PLGRKT: variants seen among roughly 807,000 people sequenced by gnomAD.
PLGRKT encodes plasminogen receptor with a C-terminal lysine.
PLGRKT carries 22 observed loss-of-function variants against 18.5 expected under a neutral mutation model. That is an observed-to-expected ratio of 1.19 (90% confidence interval 0.85 to 1.70). PLGRKT has a LOEUF of 1.70. Ranked by LOEUF, PLGRKT falls within the 40% of genes most tolerant of loss-of-function variation. The pLI is 0.00. For missense variants in PLGRKT, 235 were observed against 174.4 expected (o/e 1.35, Z -1.96); for synonymous variants, 72 against 52.8 (o/e 1.36, Z -1.58).
chr9:5,382,313 A>G lies in PLGRKT; in HGVS notation c.82-20425T>C, dbSNP rs891971412. On this transcript the variant is annotated intron_variant, in intron 3 of 5. Transcript: ENST00000223864. ...AGTTATGACAGGCACAATTCAGGGCATTATGAAAGTGCATGGCAGGGCTGC... is the reference window on the plus strand; with the variant it reads ...AGTTATGACAGGCACAATTCAGGGCGTTATGAAAGTGCATGGCAGGGCTGC... Among the ~76,000 whole-genome samples, 4 of 152,332 alleles carry G rather than the reference A, an allele frequency of 2.6e-5. No homozygotes were observed. In the East Asian group the frequency reaches 5.8e-4, roughly 22 times the overall value.
Position 5,418,491 on chromosome 9 carries a change from G to A in PLGRKT, c.81+13406C>T, listed in dbSNP as rs1245688297. On this transcript the variant is annotated intron_variant, in intron 3 of 5. Transcript: ENST00000223864. The surrounding 1 kb of genome is among the most constrained non-coding windows in gnomAD (Gnocchi z 4.2). ...CAGTGCACACCCTCAACCACATGGA[G>A]CTTTTCACCATGCCCCGCCTGTCCT... 2 of 1,111,896 alleles carry A rather than the reference G, an allele frequency of 1.8e-6. No individual in the cohort carries two copies. The highest frequency in any genetic ancestry group is 2.0e-4 in the Middle Eastern group (1 of 5,000). 68.9% of individuals were successfully genotyped at this position (1,111,896 alleles called of 1,614,324 possible). A position where few individuals can be genotyped will look rare whatever the true frequency, so the allele number is the denominator to read the frequency against.
At chr9:5,432,523 G>A (rs756287613) in intron 2 of PLGRKT, among the ~76,000 whole-genome samples, 5 of 126,286 alleles carry the variant, frequency 4.0e-5, no homozygotes, top group African/African-American at 9.1e-5. Context: ...CTCTTTCTAC[G>A]GTCTCCCTCT....
At chr9:5,396,242 G>C (rs1405711654) in intron 3 of PLGRKT, among the ~76,000 whole-genome samples, 1 of 151,752 alleles carries the variant, frequency 6.6e-6, no homozygotes, top group East Asian at 1.9e-4. Flanking sequence ...ACTCTCTCAA[G>C]TGGATTTTGG....
chr9:5,430,023 A>G (rs60171695), intron 3 of PLGRKT, among the ~76,000 whole-genome samples: 2,497 of 152,242 alleles, frequency 0.016, 64 homozygotes, highest in African/African-American at 0.055. Context: ...CCTAAGCTCA[A>G]CGCTGCTCAA....
At chr9:5,385,754 C>T (rs1047083753) in intron 3 of PLGRKT, among the ~76,000 whole-genome samples, 2 of 151,762 alleles carry the variant, frequency 1.3e-5, no homozygotes, top group Non-Finnish European at 2.9e-5. Flanking sequence ...AGGCAATTCT[C>T]CACGGATCTC....
At chr9:5,364,355 G>C (rs1038655740) in intron 3 of PLGRKT, among the ~76,000 whole-genome samples, 9 of 152,160 alleles carry the variant, frequency 5.9e-5, no homozygotes, top group African/African-American at 9.7e-5. Context: ...AGATTACCTG[G>C]GAACTCTCAA....
intron 4 of PLGRKT, 148 bp from the exon 5 acceptor site, chr9:5,361,335 T>C (rs1817260487): frequency 1.2e-5 from 7 of 589,314 alleles, no homozygotes; most frequent in East Asian, 5.8e-5. Flanking sequence ...TCTATGGAAA[T>C]AGGATTTCCT....
chr9:5,434,490 C>A (rs1250482281), intron 2 of PLGRKT, among the ~76,000 whole-genome samples: 1 of 148,496 alleles, frequency 6.7e-6, no homozygotes, highest in Non-Finnish European at 1.5e-5. Context: ...CCGGCTGCCC[C>A]GCCTGGGAAG....
At chr9:5,375,062 T>C (rs1001079790) in intron 3 of PLGRKT, among the ~76,000 whole-genome samples, 7 of 152,110 alleles carry the variant, frequency 4.6e-5, no homozygotes, top group Non-Finnish European at 8.8e-5. Context: ...CCAAACTGAA[T>C]AGCCACAGAT....
At chr9:5,404,333 C>G (rs1481763996) in intron 3 of PLGRKT, among the ~76,000 whole-genome samples, 8 of 152,102 alleles carry the variant, frequency 5.3e-5, no homozygotes, top group Non-Finnish European at 8.8e-5. Flanking sequence ...AAAAAGAAAA[C>G]TTCAGGCCAA....
chr9:5,418,373 C>A lies in PLGRKT; in HGVS notation c.81+13524G>T. 1 of 751,220 alleles carries A rather than the reference C, an allele frequency of 1.3e-6. No individual in the cohort carries two copies. Among genetic ancestry groups the A allele is most frequent in the East Asian group, 2.8e-5 (1 of 35,372 alleles). 46.5% of individuals were successfully genotyped at this position (751,220 alleles called of 1,614,324 possible). A position where few individuals can be genotyped will look rare whatever the true frequency, so the allele number is the denominator to read the frequency against. On this transcript the variant is annotated intron_variant, in intron 3 of 5. Coordinates refer to ENST00000223864, the MANE Select transcript of PLGRKT (RefSeq NM_018465.4). The surrounding 1 kb of genome is among the most constrained non-coding windows in gnomAD (Gnocchi z 4.2). ...AGACTTCCCTGCAGCCCTCTCCAGC[C>A]ACAAGATGTCACAGTCAAGCGCTTA...
intron 3 of PLGRKT, among the ~76,000 whole-genome samples, chr9:5,399,208 G>A (rs1818108078): frequency 1.3e-5 from 2 of 151,776 alleles, no homozygotes; most frequent in African/African-American, 4.9e-5. Flanking sequence ...GGACTCCTGT[G>A]CATATGTGAG....
chr9:5,431,873 T>A, intron 3 of PLGRKT, 24 bp downstream of exon 3: 1 of 1,133,528 alleles, frequency 8.8e-7, no homozygotes, highest in Non-Finnish European at 1.3e-6. Context: ...AACAACATAA[T>A]AGCTTAATTA....
chr9:5,424,693 C>CATATAT (rs1818660346), intron 3 of PLGRKT, among the ~76,000 whole-genome samples: 1 of 58,046 alleles, frequency 1.7e-5, no homozygotes, highest in African/African-American at 7.9e-5. Context: ...TATATATATA[C>CATATAT]ACACAGGGGG....
rs1286116845 is a variant in PLGRKT, at chr9:5,424,470, CAT to C, written c.81+7425_81+7426del. On this transcript the variant is annotated intron_variant, in intron 3 of 5. Coordinates refer to ENST00000223864, the MANE Select transcript of PLGRKT (RefSeq NM_018465.4). ...TTATATATTATAACATAATATATAACATATTATAAAATATAATATATATTATT... is the reference window on the plus strand; with the variant it reads ...TTATATATTATAACATAATATATAACATTATAAAATATAATATATATTATT... Among the ~76,000 whole-genome samples, 5 of 121,792 alleles carry C rather than the reference CAT, an allele frequency of 4.1e-5. No individual in the cohort carries two copies. The South Asian group carries it at 1.2e-3, about 28-fold the overall frequency. The allele number at this position is 121,792 out of a possible 152,430, so 79.9% of individuals were successfully genotyped here.
At position 5,365,116 on chromosome 9, in the gene PLGRKT, C is replaced by CA. The variant is rs34685976; in HGVS notation, c.82-3229dup. Among the ~76,000 whole-genome samples, 1,025 of 151,598 alleles carry CA rather than the reference C, an allele frequency of 6.8e-3. 6 individuals are homozygous for CA. Among genetic ancestry groups the CA allele is most frequent in the Middle Eastern group, 0.054 (16 of 294 alleles). ...ACACCCAGACATGATTTCTACTCTCCAAAAAAAAATAAATAAATAAACCAG... is the reference window on the plus strand; with the variant it reads ...ACACCCAGACATGATTTCTACTCTCCAAAAAAAAAATAAATAAATAAACCAG... On this transcript the variant is annotated intron_variant, in intron 3 of 5. Coordinates refer to ENST00000223864, the MANE Select transcript of PLGRKT (RefSeq NM_018465.4).
chr9:5,420,886 C>A (rs1818563164), intron 3 of PLGRKT, among the ~76,000 whole-genome samples: 1 of 152,196 alleles, frequency 6.6e-6, no homozygotes, highest in Non-Finnish European at 1.5e-5. Context: ...ATGGGGGGCA[C>A]AAGTGTGACA....
At chr9:5,409,507 CGT>C (rs1422637761) in intron 3 of PLGRKT, among the ~76,000 whole-genome samples, 2 of 152,116 alleles carry the variant, frequency 1.3e-5, no homozygotes, top group African/African-American at 4.8e-5. Context: ...ATCTTGTGAT[CGT>C]GTGAGTTAAT....
intron 3 of PLGRKT, among the ~76,000 whole-genome samples, chr9:5,383,129 T>C (rs181149969): frequency 6.6e-6 from 1 of 152,250 alleles, no homozygotes; most frequent in Non-Finnish European, 1.5e-5. Context: ...GAGAAGGCTG[T>C]GTAAAGATGC....
Sources: gnomAD v4.1 joint callset for allele counts (sites outside exome capture counted in the v4.1 genomes callset) on GRCh38, gnomAD v4.1.1 for gene constraint, Gnocchi (gnomAD v3.1) non-coding constraint, MANE v1.5 for transcripts, NCBI Gene and HGNC (gene_info 2026-07-23, HGNC 2026-07-21) for gene names.